FADS2: variants seen among roughly 807,000 people sequenced by gnomAD.
FADS2 encodes fatty acid desaturase 2.
FADS2 carries 18 observed loss-of-function variants against 61.2 expected under a neutral mutation model. The ratio of observed to expected loss-of-function variants is 0.29; its 90% CI spans 0.20 to 0.44. The LOEUF is 0.44. Ranked by LOEUF, FADS2 falls within the 20% of genes least tolerant of loss-of-function variation. The pLI, the probability that FADS2 is intolerant of heterozygous loss-of-function variation, is 1.00. For synonymous variants in FADS2, 203 were observed against 223.9 expected, an observed-to-expected ratio of 0.91 and a Z score of 0.83; for missense variants, 322 against 572.7, an observed-to-expected ratio of 0.56 and a Z score of 4.47.
chr11:61,816,548 C>A lies in FADS2; in HGVS notation c.141+122C>A. 1 of 1,601,112 alleles carries A rather than the reference C, an allele frequency of 6.2e-7. No individual in the cohort carries two copies. The highest frequency in any genetic ancestry group is 2.3e-5 in the East Asian group (1 of 44,268). On this transcript the variant is annotated intron_variant, in intron 1 of 11. Coordinates refer to the FADS2 transcript ENST00000257261. The surrounding 1 kb of genome is among the most constrained non-coding windows in gnomAD (Gnocchi z 7.0). ...CCTCTCCTGTGCCCCCGCCTGGCTG[C>A]GCTCACCGTGGCATCCTGCCCGGCG... is the stretch of plus-strand genomic sequence containing the variant.
At chr11:61,836,269 T>C (rs2067173591) in intron 1 of FADS2, among the ~76,000 whole-genome samples, 1 of 152,112 alleles carries the variant, frequency 6.6e-6, no homozygotes, top group African/African-American at 2.4e-5. Context: ...GGCTAATTTT[T>C]GTATTTTCAG....
chr11:61,861,367 A>AAAAAC (rs1555078425), intron 7 of FADS2, among the ~76,000 whole-genome samples: 12 of 147,042 alleles, frequency 8.2e-5, no homozygotes, highest in African/African-American at 2.7e-4. Flanking sequence ...AAAAAAAAAA[A>AAAAAC]AAAACAGAAA....
At chr11:61,850,767 T>C (rs917999469) in intron 5 of FADS2, among the ~76,000 whole-genome samples, 8 of 152,204 alleles carry the variant, frequency 5.3e-5, no homozygotes, top group African/African-American at 1.9e-4. Flanking sequence ...CACAAAGCCA[T>C]GCATAGAGTA....
At chr11:61,842,736 G>A (rs139614730) in intron 4 of FADS2, among the ~76,000 whole-genome samples, 401 of 152,096 alleles carry the variant, frequency 2.6e-3, no homozygotes, top group African/African-American at 9.3e-3. Flanking sequence ...GCTCACTCAG[G>A]GGTGCCCCAG....
intron 5 of FADS2, among the ~76,000 whole-genome samples, chr11:61,850,535 C>T (rs1315256265): frequency 6.6e-6 from 1 of 152,178 alleles, no homozygotes; most frequent in African/African-American, 2.4e-5. Flanking sequence ...GGGTGTAAGC[C>T]ACCGCGCCTG....
intron 5 of FADS2, chr11:61,854,037 C>G (rs2067333581): frequency 6.6e-6 from 1 of 152,326 alleles, no homozygotes; most frequent in Non-Finnish European, 1.5e-5. Flanking sequence ...TCCCTTGCCC[C>G]TGGCCTGCGT....
At chr11:61,820,422 A>G (rs1404007205) in intron 1 of FADS2, among the ~76,000 whole-genome samples, 3 of 152,118 alleles carry the variant, frequency 2.0e-5, no homozygotes, top group Admixed American at 6.5e-5. Flanking sequence ...GGATTTAAAC[A>G]GCTTATATGA....
At position 61,865,890 on chromosome 11, in the gene FADS2, C is replaced by T; in HGVS notation, c.*201C>T. 1.7e-6 allele frequency: 1 copy of T among 574,354 alleles called. No homozygotes were observed. The highest frequency in any genetic ancestry group is 3.1e-6 in the Non-Finnish European group (1 of 321,608). The allele number at this position is 574,354 out of a possible 1,614,324, so 35.6% of individuals were successfully genotyped here. A position where few individuals can be genotyped will look rare whatever the true frequency, so the allele number is the denominator to read the frequency against. On this transcript the variant is annotated 3_prime_UTR_variant, in exon 12 of 12. Transcript: ENST00000278840. This position sits in a 1 kb window ranked among gnomAD's most constrained non-coding sequence, Gnocchi z 4.1. ...GCACCCTGCCCTCATGGGACCTGCC[C>T]TCCCTCAGCCGTCAGCCATCAGCCA...
At chr11:61,834,697 G>A (rs1353928243) in intron 1 of FADS2, among the ~76,000 whole-genome samples, 1 of 152,188 alleles carries the variant, frequency 6.6e-6, no homozygotes, top group Non-Finnish European at 1.5e-5. Flanking sequence ...TTAGTTATCA[G>A]CCACTGCAGC....
At chr11:61,826,489 A>G (rs989978884), upstream of FADS2, 40 of 626,700 alleles carry the variant, frequency 6.4e-5, no homozygotes, top group South Asian at 6.8e-4. Flanking sequence ...AATGTTCATT[A>G]AAGTTATCTA....
intron 1 of FADS2, among the ~76,000 whole-genome samples, chr11:61,820,772 G>T (rs1348725602): frequency 6.6e-6 from 1 of 152,070 alleles, no homozygotes; most frequent in African/African-American, 2.4e-5. Flanking sequence ...GGTGGGGGGT[G>T]CCTGTAATCC....
chr11:61,856,643 C>G (rs995515375), intron 5 of FADS2: 2 of 240,308 alleles, frequency 8.3e-6, no homozygotes, highest in African/African-American at 4.5e-5. Context: ...TTGTTTAGTG[C>G]CTGTCACATG....
intron 4 of FADS2, among the ~76,000 whole-genome samples, chr11:61,845,630 T>C (rs1021770572): frequency 7.9e-5 from 12 of 152,002 alleles, no homozygotes; most frequent in African/African-American, 2.7e-4. Flanking sequence ...CCATCTCTAC[T>C]GAAAATATAA....
At chr11:61,818,920 G>T (rs2067012047) in intron 1 of FADS2, among the ~76,000 whole-genome samples, 1 of 151,848 alleles carries the variant, frequency 6.6e-6, no homozygotes, top group Admixed American at 6.6e-5. Context: ...GCCCAGGCTG[G>T]AGTGCAGTGG....
At position 61,865,191 on chromosome 11, in the gene FADS2, C is replaced by T. The variant is rs367928741; in HGVS notation, c.1197C>T (p.Ile399=). ...PTMPRHNLHK[I]APLVKSLCAK... ...TGCCCCGGCACAACTTACACAAGAT[C>T]GCCCCGCTGGTGAAGTCTCTATGTG... The change falls in exon 11 of 12, where the codon ATC becomes ATT. Residue 399 remains isoleucine (I), a synonymous_variant. Transcript: ENST00000278840. The surrounding 1 kb of genome is among the most constrained non-coding windows in gnomAD (Gnocchi z 4.1). 5.8e-5 allele frequency: 93 copies of T among 1,613,712 alleles called. No homozygotes were observed. The South Asian group carries it at 6.0e-4, about 10-fold the overall frequency.
At chr11:61,853,674 C>T (rs2067330593) in intron 5 of FADS2, among the ~76,000 whole-genome samples, 1 of 152,066 alleles carries the variant, frequency 6.6e-6, no homozygotes. Flanking sequence ...CCTTCATGAA[C>T]AGGCTTAAGC....
At chr11:61,824,163 C>T (rs1399166081), upstream of FADS2, among the ~76,000 whole-genome samples, 3 of 151,826 alleles carry the variant, frequency 2.0e-5, no homozygotes, top group Admixed American at 2.0e-4. Flanking sequence ...GGGCAGATCA[C>T]CTGAGGTCGG....
chr11:61,825,245 T>G (rs1211383382), upstream of FADS2, among the ~76,000 whole-genome samples: 2 of 152,200 alleles, frequency 1.3e-5, no homozygotes, highest in Non-Finnish European at 2.9e-5. Context: ...AGAATCAGAC[T>G]TATTTCTCTT....
chr11:61,837,925 G>A (rs773114496), intron 2 of FADS2, 37 bp downstream of exon 2: 2 of 1,463,232 alleles, frequency 1.4e-6, no homozygotes, highest in Admixed American at 1.8e-5. Context: ...GGGTGGAGAC[G>A]AGGCTGGGGG....
Sources: gnomAD v4.1 joint callset for allele counts (sites outside exome capture counted in the v4.1 genomes callset) on GRCh38, gnomAD v4.1.1 for gene constraint, Gnocchi (gnomAD v3.1) non-coding constraint, MANE v1.5 for transcripts, NCBI Gene and HGNC (gene_info 2026-07-23, HGNC 2026-07-21) for gene names.